Variants in RPS6KA2 observed in about 807,000 individuals in gnomAD.
RPS6KA2 encodes the protein ribosomal protein S6 kinase alpha-2.
In RPS6KA2, 42 loss-of-function variants were observed where a neutral mutation model predicts 91.8. That is an observed-to-expected ratio of 0.46 (90% CI 0.36 to 0.59). The LOEUF (loss-of-function observed/expected upper bound fraction) is 0.59. Ranked by LOEUF, RPS6KA2 falls within the 20% of genes least tolerant of loss-of-function variation. The pLI is 0.00. For missense variants in RPS6KA2, 798 were observed against 978.5 expected (o/e 0.82, Z 2.46); for synonymous variants, 414 against 393.6 (o/e 1.05, Z -0.61).
chr6:166,776,610 T>A (rs1430229355), intron 2 of RPS6KA2, among the ~76,000 whole-genome samples: 1 of 152,148 alleles, frequency 6.6e-6, no homozygotes, highest in Non-Finnish European at 1.5e-5. Context: ...ATCCGTGCCG[T>A]CTCTGTGGGT....
chr6:166,531,562 G>C (rs1303881392), intron 2 of RPS6KA2, among the ~76,000 whole-genome samples: 2 of 152,150 alleles, frequency 1.3e-5, no homozygotes, highest in East Asian at 3.8e-4. Context: ...CATTAACTTT[G>C]CATTTTATGC....
intron 1 of RPS6KA2, among the ~76,000 whole-genome samples, chr6:166,561,044 G>A (rs142391315): frequency 1.5e-4 from 23 of 152,084 alleles, no homozygotes; most frequent in East Asian, 1.2e-3. Flanking sequence ...AGAGAAAAGC[G>A]TTCAACTTAT....
At chr6:166,844,826 C>T (rs187358798) in intron 2 of RPS6KA2, among the ~76,000 whole-genome samples, 327 of 151,398 alleles carry the variant, frequency 2.2e-3, no homozygotes, top group Non-Finnish European at 3.1e-3. Flanking sequence ...CTTCTTAAAA[C>T]ATAAATCTCA....
intron 1 of RPS6KA2, among the ~76,000 whole-genome samples, chr6:166,611,813 C>G (rs1786189242): frequency 6.6e-6 from 1 of 152,182 alleles, no homozygotes; most frequent in Non-Finnish European, 1.5e-5. Flanking sequence ...TGTTTCTCCA[C>G]AGCCACTGGG....
chr6:166,652,636 C>G (rs1787886619), intron 2 of RPS6KA2, among the ~76,000 whole-genome samples: 1 of 152,182 alleles, frequency 6.6e-6, no homozygotes, highest in African/African-American at 2.4e-5. Context: ...ACCAACTCAA[C>G]TCTGATCTCT....
At chr6:166,436,868 G>A (rs1779334032) in intron 14 of RPS6KA2, among the ~76,000 whole-genome samples, 1 of 152,028 alleles carries the variant, frequency 6.6e-6, no homozygotes, top group Non-Finnish European at 1.5e-5. Flanking sequence ...GTTCTCACAC[G>A]ACCCTCCTGG....
At chr6:166,484,382 G>C (rs1335392289) in intron 10 of RPS6KA2, among the ~76,000 whole-genome samples, 1 of 152,192 alleles carries the variant, frequency 6.6e-6, no homozygotes, top group Non-Finnish European at 1.5e-5. Context: ...CGCCACTCCA[G>C]CCCTCATTTC....
At chr6:166,511,398 G>A (rs1782476371) in intron 3 of RPS6KA2, among the ~76,000 whole-genome samples, 1 of 152,150 alleles carries the variant, frequency 6.6e-6, no homozygotes, top group Admixed American at 6.5e-5. Flanking sequence ...AGATAACCAT[G>A]GACCATGTAC....
intron 1 of RPS6KA2, among the ~76,000 whole-genome samples, chr6:166,564,122 G>T (rs143112752): frequency 1.4e-3 from 207 of 152,340 alleles, no homozygotes; most frequent in African/African-American, 4.9e-3. Context: ...TAGAGAAGCG[G>T]CCTATTAACA....
chr6:166,557,390 G>T lies in RPS6KA2; in HGVS notation c.100-18606C>A, dbSNP rs889065759. 6.6e-6 allele frequency among the ~76,000 whole-genome samples: 1 copy of T among 152,252 alleles called. No homozygotes were observed. The highest frequency in any genetic ancestry group is 1.5e-5 in the Non-Finnish European group (1 of 68,046). On this transcript the variant is annotated intron_variant, in intron 1 of 20. Coordinates refer to ENST00000265678, the MANE Select transcript of RPS6KA2 (RefSeq NM_021135.6). This position sits in a 1 kb window ranked among gnomAD's most constrained non-coding sequence, Gnocchi z 4.8. ...CAGACTCAATGGTCAGGTGGCCGGG[G>T]TCACTCTGAAAATGAACTGTTCTCC...
At chr6:166,479,029 C>T (rs1164567609) in intron 10 of RPS6KA2, among the ~76,000 whole-genome samples, 2 of 152,216 alleles carry the variant, frequency 1.3e-5, no homozygotes, top group African/African-American at 4.8e-5. Flanking sequence ...CCCTGGACTC[C>T]AGCCTCTCCC....
At chr6:166,751,045 T>C (rs1280301059) in intron 2 of RPS6KA2, among the ~76,000 whole-genome samples, 2 of 152,102 alleles carry the variant, frequency 1.3e-5, no homozygotes, top group Non-Finnish European at 2.9e-5. Flanking sequence ...ATCCCCTAAC[T>C]CAGCACCTCA....
chr6:166,423,561 C>T lies in RPS6KA2; in HGVS notation c.1582-144G>A, dbSNP rs1165744186. On this transcript the variant is annotated intron_variant, in intron 16 of 20. Transcript: ENST00000265678. The surrounding 1 kb of genome is among the most constrained non-coding windows in gnomAD (Gnocchi z 4.8). ...GCAGGCAACAGGCCAACAGTGTCAA[C>T]AGCTGCTGTCTTCTCCAGAGGGCCC... The T allele has an allele frequency of 8.4e-6, 6 of 716,574 alleles. No individual in the cohort carries two copies. Among genetic ancestry groups the T allele is most frequent in the Non-Finnish European group, 1.3e-5 (6 of 448,070 alleles). The allele number at this position is 716,574 out of a possible 1,614,324, so 44.4% of individuals were successfully genotyped here.
intron 12 of RPS6KA2, among the ~76,000 whole-genome samples, chr6:166,455,959 G>T (rs1004402617): frequency 5.3e-5 from 8 of 152,276 alleles, no homozygotes; most frequent in African/African-American, 1.9e-4. Flanking sequence ...AGCCACACGA[G>T]TGTGAAGTGC....
intron 2 of RPS6KA2, among the ~76,000 whole-genome samples, chr6:166,663,503 G>A (rs1231865618): frequency 6.6e-6 from 1 of 152,222 alleles, no homozygotes; most frequent in Non-Finnish European, 1.5e-5. Context: ...ATGCTACTCT[G>A]TGAGTGGCTG....
At chr6:166,814,291 A>G (rs932900553) in intron 2 of RPS6KA2, among the ~76,000 whole-genome samples, 2 of 152,262 alleles carry the variant, frequency 1.3e-5, no homozygotes, top group Non-Finnish European at 2.9e-5. Flanking sequence ...TTTAAAAATC[A>G]TATGAGTTCT....
chr6:166,539,794 G>T (rs930051982), intron 1 of RPS6KA2, among the ~76,000 whole-genome samples: 1 of 152,208 alleles, frequency 6.6e-6, no homozygotes, highest in Non-Finnish European at 1.5e-5. Context: ...TGGAAAGGAG[G>T]TGTTTCTCCC....
At chr6:166,790,890 T>G (rs941792990) in intron 2 of RPS6KA2, among the ~76,000 whole-genome samples, 2 of 152,096 alleles carry the variant, frequency 1.3e-5, no homozygotes, top group African/African-American at 4.8e-5. Flanking sequence ...GAACAACCGG[T>G]ACCAGCCACT....
intron 6 of RPS6KA2, among the ~76,000 whole-genome samples, chr6:166,502,847 C>T (rs1017906639): frequency 6.6e-6 from 1 of 152,196 alleles, no homozygotes; most frequent in Non-Finnish European, 1.5e-5. Context: ...GCTGCGGAGG[C>T]TGCTCTCTTC....
Sources: allele counts gnomAD v4.1 joint callset (sites outside exome capture counted in the v4.1 genomes callset), GRCh38; gene constraint gnomAD v4.1.1; non-coding constraint Gnocchi (gnomAD v3.1); transcripts MANE v1.5; gene names NCBI Gene and HGNC (gene_info 2026-07-23, HGNC 2026-07-21).